The following ZSCAN16 variants were observed in gnomAD, a reference collection of about 807,000 sequenced individuals.
ZSCAN16 encodes the protein zinc finger and SCAN domain containing 16, also known as zinc finger and SCAN domain-containing protein 16.
In ZSCAN16, 15 loss-of-function variants were observed where a neutral mutation model predicts 19.4. That is an observed-to-expected ratio of 0.77 (90% CI 0.52 to 1.19). ZSCAN16 has a LOEUF of 1.19. ZSCAN16 is among the 50% of genes most tolerant of loss of function. ZSCAN16 has a pLI of 0.00. For missense variants in ZSCAN16, 327 were observed against 415.7 expected (o/e 0.79, Z 1.86); for synonymous variants, 138 against 146.5 (o/e 0.94, Z 0.42).
intron 3 of ZSCAN16, 61 bp downstream of exon 3, chr6:28,126,982 C>T (rs769137022): frequency 7.6e-7 from 1 of 1,316,848 alleles, no homozygotes; most frequent in Non-Finnish European, 9.9e-7. Context: ...TAGAGGAAAA[C>T]TTTCTCACTT....
At position 28,129,808 on chromosome 6, in the gene ZSCAN16, G is replaced by A. The variant is rs773975435; in HGVS notation, c.905G>A (p.Ser302Asn). 1 of 1,614,080 alleles carries A rather than the reference G, an allele frequency of 6.2e-7. No individual in the cohort carries two copies. The highest frequency in any genetic ancestry group is 1.3e-5 in the African/African-American group (1 of 74,944). ...TGTAAAGAATGTGGGAAAGACTTCA[G>A]TGGGCGCACAGGTCTTATTCAGCAT... Reference protein sequence around the residue: ...YKCKECGKDFSGRTGLIQHQR... With the variant: ...YKCKECGKDFNGRTGLIQHQR... The change falls in exon 4 of 4, where the codon AGT (serine) becomes AAT (asparagine). Residue 302 changes from serine to asparagine, a missense_variant. Coordinates refer to ENST00000340487, the MANE Select transcript of ZSCAN16 (RefSeq NM_025231.3).
At chr6:28,128,154 A>AT (rs532756767) in intron 3 of ZSCAN16, among the ~76,000 whole-genome samples, 1 of 151,512 alleles carries the variant, frequency 6.6e-6, no homozygotes, top group South Asian at 2.1e-4. Context: ...ATTTTATTTT[A>AT]TTTTTTTTAG....
intron 3 of ZSCAN16, among the ~76,000 whole-genome samples, chr6:28,129,050 A>G (rs1281840910): frequency 1.3e-5 from 2 of 151,614 alleles, no homozygotes; most frequent in African/African-American, 4.9e-5. Context: ...CCAAACTTTT[A>G]CCTCCCTCCC....
Position 28,129,894 on chromosome 6 carries a change from G to GT in ZSCAN16, c.992dup (p.Ser332LysfsTer6). The GT allele has an allele frequency of 1.2e-6, 2 of 1,612,134 alleles. No homozygotes were observed. The highest frequency in any genetic ancestry group is 8.5e-7 in the Non-Finnish European group (1 of 1,179,318). Reference sequence around the variant, plus strand: ...TGATGAGTGTGGAAGGCCTTTCCGAGTAAGTTCAGCTCTTATTAGACATCA... The same window carrying GT: ...TGATGAGTGTGGAAGGCCTTTCCGAGTTAAGTTCAGCTCTTATTAGACATCA... On this transcript the variant is annotated frameshift_variant, in exon 4 of 4. Coordinates refer to ENST00000340487, the MANE Select transcript of ZSCAN16 (RefSeq NM_025231.3). LOFTEE classifies it high-confidence loss of function.
intron 2 of ZSCAN16, 95 bp from the exon 3 acceptor site, chr6:28,126,688 C>CT: frequency 9.6e-7 from 1 of 1,044,796 alleles, no homozygotes; most frequent in South Asian, 3.2e-5. Context: ...TTTGTCCCCC[C>CT]TTTCTATGTC....
At chr6:28,129,399 G>A in intron 3 of ZSCAN16, 31 bp from the exon 4 acceptor site, 1 of 1,556,420 alleles carries the variant, frequency 6.4e-7, no homozygotes, top group Non-Finnish European at 8.7e-7. Flanking sequence ...CATAGAATAG[G>A]ACCCGTTTGT....
At position 28,129,971 on chromosome 6, in the gene ZSCAN16, T is replaced by A. The variant is rs557146187; in HGVS notation, c.*21T>A. ...ACTAATATAGCAGTAATATCAAAAG[T>A]TCTTTGGACACTCAGGCCTAACTAG... On this transcript the variant is annotated 3_prime_UTR_variant, in exon 4 of 4. Coordinates refer to ENST00000340487, the MANE Select transcript of ZSCAN16 (RefSeq NM_025231.3). 1.3e-6 allele frequency: 2 copies of A among 1,524,688 alleles called. No homozygotes were observed. Among genetic ancestry groups the A allele is most frequent in the East Asian group, 4.5e-5 (2 of 44,204 alleles). The allele number at this position is 1,524,688 out of a possible 1,614,324, so 94.4% of individuals were successfully genotyped here. A position where few individuals can be genotyped will look rare whatever the true frequency, so the allele number is the denominator to read the frequency against.
chr6:28,125,616 C>T lies in ZSCAN16; in HGVS notation c.173C>T (p.Ala58Val). The change falls in exon 2 of 4, where the codon GCT becomes GTT. Residue 58 changes from alanine to valine, a missense_variant. Transcript: ENST00000340487. This position sits in a 1 kb window ranked among gnomAD's most constrained non-coding sequence, Gnocchi z 6.2. The stretch of plus-strand genomic sequence containing the variant: ...CAGGATGCACCTGGACCCCGTGAAG[C>T]TCTTACCCAGCTGTGGGAGCTCTGC... ...CYQDAPGPREALTQLWELCRQ... is the reference protein window; with the variant it reads ...CYQDAPGPREVLTQLWELCRQ... 6.2e-7 allele frequency: 1 copy of T among 1,614,254 alleles called. No individual in the cohort carries two copies. Among genetic ancestry groups the T allele is most frequent in the Non-Finnish European group, 8.5e-7 (1 of 1,180,036 alleles).
chr6:28,130,009 C>A lies in ZSCAN16; in HGVS notation c.*59C>A. 3 of 1,384,212 alleles carry A rather than the reference C, an allele frequency of 2.2e-6. No homozygotes were observed. The highest frequency in any genetic ancestry group is 2.4e-5 in the Admixed American group (1 of 41,748). The allele number at this position is 1,384,212 out of a possible 1,614,324, so 85.7% of individuals were successfully genotyped here. On this transcript the variant is annotated 3_prime_UTR_variant, in exon 4 of 4. Transcript: ENST00000340487. ...CAGGCCTAACTAGTTATCAAAGAAT[C>A]TATTTTAGAAACCTTGAGTTTCCTC...
At position 28,125,844 on chromosome 6, in the gene ZSCAN16, G is replaced by C; in HGVS notation, c.387+14G>C. The C allele has an allele frequency of 6.3e-7, 1 of 1,574,988 alleles. No homozygotes were observed. The highest frequency in any genetic ancestry group is 8.6e-7 in the Non-Finnish European group (1 of 1,158,034). ...CCTGGAAAGCAGGTGTGAAGGGGCA[G>C]TCATCTGGCTGTGAGTGATCAGGGG... On this transcript the variant is annotated intron_variant, in intron 2 of 3. Coordinates refer to ENST00000340487, the MANE Select transcript of ZSCAN16 (RefSeq NM_025231.3). This position sits in a 1 kb window ranked among gnomAD's most constrained non-coding sequence, Gnocchi z 6.2.
chr6:28,130,026 A>AGGAAACTCAAG lies in ZSCAN16; in HGVS notation c.*77_*78insGAAACTCAAGG. Reference sequence around the variant, plus strand: ...CAAAGAATCTATTTTAGAAACCTTGAGTTTCCTCAATGTGGTCAAAGCTTC... The same window carrying AGGAAACTCAAG: ...CAAAGAATCTATTTTAGAAACCTTGAGGAAACTCAAGGTTTCCTCAATGTGGTCAAAGCTTC... On this transcript the variant is annotated 3_prime_UTR_variant, in exon 4 of 4. Transcript: ENST00000340487. 8.1e-7 allele frequency: 1 copy of AGGAAACTCAAG among 1,231,346 alleles called. No individual in the cohort carries two copies. The highest frequency in any genetic ancestry group is 1.1e-6 in the Non-Finnish European group (1 of 893,456). 76.3% of individuals were successfully genotyped at this position (1,231,346 alleles called of 1,614,324 possible). A position where few individuals can be genotyped will look rare whatever the true frequency, so the allele number is the denominator to read the frequency against.
In ZSCAN16 at chr6:28,125,887, G is replaced by C; in HGVS notation, c.387+57G>C. ...ATCAGGGGATATGGATGGAGCCAAA[G>C]CAAAAGGCATATGAAAGAACATCTG... On this transcript the variant is annotated intron_variant, in intron 2 of 3. Coordinates refer to ENST00000340487, the MANE Select transcript of ZSCAN16 (RefSeq NM_025231.3). This position sits in a 1 kb window ranked among gnomAD's most constrained non-coding sequence, Gnocchi z 6.2. 2 of 1,316,770 alleles carry C rather than the reference G, an allele frequency of 1.5e-6. No homozygotes were observed. Among genetic ancestry groups the C allele is most frequent in the Non-Finnish European group, 2.1e-6 (2 of 959,728 alleles). The allele number at this position is 1,316,770 out of a possible 1,614,324, so 81.6% of individuals were successfully genotyped here.
rs889921850 is a variant in ZSCAN16, at chr6:28,129,922, G to A, written c.1019G>A (p.Arg340Lys). 1 of 1,597,008 alleles carries A rather than the reference G, an allele frequency of 6.3e-7. No individual in the cohort carries two copies. The highest frequency in any genetic ancestry group is 8.5e-7 in the Non-Finnish European group (1 of 1,172,670). Residue 340 changes from arginine to lysine, a missense_variant, in exon 4 of 4, where the codon AGA becomes AAA. Transcript: ENST00000340487. ...RVSSALIRHQRIHTANKLY is the reference protein window; with the variant it reads ...RVSSALIRHQKIHTANKLY Reference sequence around the variant, plus strand: ...AGTTCAGCTCTTATTAGACATCAAAGAATTCATACCGCAAATAAACTCTAC... The same window carrying A: ...AGTTCAGCTCTTATTAGACATCAAAAAATTCATACCGCAAATAAACTCTAC...
intron 2 of ZSCAN16, 112 bp from the exon 3 acceptor site, chr6:28,126,671 A>G: frequency 3.7e-6 from 3 of 802,448 alleles, no homozygotes; most frequent in Non-Finnish European, 5.3e-6. Flanking sequence ...TTACAATGAA[A>G]TGAGAATTTG....
rs754396213 is a variant in ZSCAN16, at chr6:28,130,028, T to C, written c.*78T>C. The C allele has an allele frequency of 2.5e-5, 30 of 1,213,590 alleles. No individual in the cohort carries two copies. Among genetic ancestry groups the C allele is most frequent in the Non-Finnish European group, 3.4e-5 (30 of 877,706 alleles). The allele number at this position is 1,213,590 out of a possible 1,614,324, so 75.2% of individuals were successfully genotyped here. A position where few individuals can be genotyped will look rare whatever the true frequency, so the allele number is the denominator to read the frequency against. ...AAGAATCTATTTTAGAAACCTTGAGTTTCCTCAATGTGGTCAAAGCTTCAG... is the reference window on the plus strand; with the variant it reads ...AAGAATCTATTTTAGAAACCTTGAGCTTCCTCAATGTGGTCAAAGCTTCAG... On this transcript the variant is annotated 3_prime_UTR_variant, in exon 4 of 4. Transcript: ENST00000340487.
chr6:28,125,008 C>A lies in ZSCAN16; in HGVS notation c.-32+331C>A, dbSNP rs1008911140. On this transcript the variant is annotated intron_variant, in intron 1 of 3. Coordinates refer to ENST00000340487, the MANE Select transcript of ZSCAN16 (RefSeq NM_025231.3). This position sits in a 1 kb window ranked among gnomAD's most constrained non-coding sequence, Gnocchi z 6.2. ...AGAATGAAGAGCCTTTTAACAAAGC[C>A]GTTAATAATACTTGGCGTTTATTTA... is the stretch of plus-strand genomic sequence containing the variant. Among the ~76,000 whole-genome samples, 6 of 152,294 alleles carry A rather than the reference C, an allele frequency of 3.9e-5. No individual in the cohort carries two copies. Among genetic ancestry groups the A allele is most frequent in the Admixed American group, 2.6e-4 (4 of 15,294 alleles).
Position 28,125,800 on chromosome 6 carries a change from GGA to G in ZSCAN16, c.365_366del (p.Glu122AlafsTer2). ...EEAVTVLEDLERELDEPGKQV... is the reference protein window; with the variant it reads ...EEAVTVLEDLXRELDEPGKQV... ...AGGCAGTGACGGTACTGGAGGATCT[GGA>G]GAGAGAGCTTGATGAACCTGGAAAG... On this transcript the variant is annotated frameshift_variant, in exon 2 of 4. Coordinates refer to ENST00000340487, the MANE Select transcript of ZSCAN16 (RefSeq NM_025231.3). LOFTEE classifies it high-confidence loss of function. This position sits in a 1 kb window ranked among gnomAD's most constrained non-coding sequence, Gnocchi z 6.2. 2 of 1,611,240 alleles carry G rather than the reference GGA, an allele frequency of 1.2e-6. No homozygotes were observed. The highest frequency in any genetic ancestry group is 1.7e-6 in the Non-Finnish European group (2 of 1,178,530).
chr6:28,125,964 T>A lies in ZSCAN16; in HGVS notation c.387+134T>A, dbSNP rs906976185. The stretch of plus-strand genomic sequence containing the variant: ...GCATAGGAAGGGACCTGACTACCTA[T>A]GTCAAATAATTAAAGTGTGGCTGGG... On this transcript the variant is annotated intron_variant, in intron 2 of 3. Transcript: ENST00000340487. This position sits in a 1 kb window ranked among gnomAD's most constrained non-coding sequence, Gnocchi z 6.2. 1.5e-6 allele frequency: 1 copy of A among 676,708 alleles called. No individual in the cohort carries two copies. The highest frequency in any genetic ancestry group is 2.4e-6 in the Non-Finnish European group (1 of 409,158). 41.9% of individuals were successfully genotyped at this position (676,708 alleles called of 1,614,324 possible). A position where few individuals can be genotyped will look rare whatever the true frequency, so the allele number is the denominator to read the frequency against.
rs2113710237 is a variant in ZSCAN16 at position 28,126,763 on chromosome 6, A to G, written c.388-20A>G. ...CTTAAGTTTCCATAAAATTCACCTTACACACCTCATTTTCCCTAGGTCCCA... is the reference window on the plus strand; with the variant it reads ...CTTAAGTTTCCATAAAATTCACCTTGCACACCTCATTTTCCCTAGGTCCCA... On this transcript the variant is annotated intron_variant, in intron 2 of 3. Coordinates refer to ENST00000340487, the MANE Select transcript of ZSCAN16 (RefSeq NM_025231.3). The G allele has an allele frequency of 7.0e-7, 1 of 1,419,978 alleles. No individual in the cohort carries two copies. Among genetic ancestry groups the G allele is most frequent in the Middle Eastern group, 1.9e-4 (1 of 5,290 alleles). The allele number at this position is 1,419,978 out of a possible 1,614,324, so 88.0% of individuals were successfully genotyped here.
Sources: allele counts gnomAD v4.1 joint callset (sites outside exome capture counted in the v4.1 genomes callset), GRCh38; gene constraint gnomAD v4.1.1; non-coding constraint Gnocchi (gnomAD v3.1); transcripts MANE v1.5; gene names NCBI Gene and HGNC (gene_info 2026-07-23, HGNC 2026-07-21).